RAG1: variants seen among roughly 807,000 people sequenced by gnomAD.
RAG1 encodes V(D)J recombination-activating protein 1.
RAG1 carries 35 observed loss-of-function variants against 62.7 expected under a neutral mutation model. That is an observed-to-expected ratio of 0.56 (90% CI 0.43 to 0.74). The LOEUF is 0.74. RAG1 is among the 30% of genes least tolerant of loss of function. The probability of loss-of-function intolerance (pLI) is 0.00; values close to 1 mark genes in which losing one functional copy is unlikely to be tolerated. For synonymous variants in RAG1, 461 were observed against 470.3 expected, an observed-to-expected ratio of 0.98 and a Z score of 0.26; for missense variants, 1,169 against 1,278.6, an observed-to-expected ratio of 0.91 and a Z score of 1.31.
chr11:36,539,621 A>G (rs1409332801), downstream of RAG1, among the ~76,000 whole-genome samples: 4 of 152,240 alleles, frequency 2.6e-5, no homozygotes, highest in South Asian at 8.3e-4. Flanking sequence ...AGTGGCTGGG[A>G]CTACAGGTAC....
In RAG1 at chr11:36,574,774, T is replaced by C. The variant is rs1430907893; in HGVS notation, c.1470T>C (p.Thr490=). 1.1e-5 allele frequency: 17 copies of C among 1,614,102 alleles called. No homozygotes were observed. The highest frequency in any genetic ancestry group is 1.4e-5 in the Non-Finnish European group (17 of 1,180,044). ...SCSQYHKMYR[T]VKAITGRQIF... is the part of the protein sequence containing the mutation. The stretch of plus-strand genomic sequence containing the variant: ...GTCAGTACCACAAGATGTACAGGAC[T>C]GTGAAAGCCATCACAGGGAGACAGA... Residue 490 remains threonine (T), a synonymous_variant, in exon 2 of 2, where the codon ACT becomes ACC. Transcript: ENST00000299440.
intron 3 of RAG1, among the ~76,000 whole-genome samples, chr11:36,547,662 C>T (rs553594938): frequency 6.6e-6 from 1 of 152,228 alleles, no homozygotes; most frequent in South Asian, 2.1e-4. Context: ...AAGTCCAGGA[C>T]CAGATGGATT....
intron 1 of RAG1, among the ~76,000 whole-genome samples, chr11:36,518,651 G>C (rs1033188370): frequency 4.6e-5 from 7 of 152,184 alleles, no homozygotes; most frequent in Admixed American, 1.3e-4. Flanking sequence ...TTTGAGAACT[G>C]TCTGTTCATA....
At chr11:36,514,394 A>G (rs1000060552) in intron 1 of RAG1, among the ~76,000 whole-genome samples, 6 of 152,222 alleles carry the variant, frequency 3.9e-5, no homozygotes, top group Non-Finnish European at 8.8e-5. Flanking sequence ...AGCAGTCCCC[A>G]AACATTTTGG....
chr11:36,573,407 G>A lies in RAG1; in HGVS notation c.103G>A (p.Val35Met), dbSNP rs1164702188. Reference protein sequence around the residue: ...FSEWKFKLFRVRSFEKTPEEA... With the variant: ...FSEWKFKLFRMRSFEKTPEEA... ...AGAATGGAAATTTAAGCTGTTCCGG[G>A]TGAGATCCTTTGAAAAGACACCTGA... The change falls in exon 2 of 2, where the codon GTG becomes ATG. Residue 35 changes from valine (V) to methionine (M), a missense_variant. Physicochemically the swap from Val to Met is conservative, Grantham distance 21 (BLOSUM62 1). This residue lies in a region of RAG1 where 369 missense variants were observed against 335.3 expected (regional missense o/e 1.10). Transcript: ENST00000299440. The A allele has an allele frequency of 1.2e-6, 2 of 1,613,978 alleles. No individual in the cohort carries two copies. Among genetic ancestry groups the A allele is most frequent in the African/African-American group, 1.3e-5 (1 of 74,874 alleles).
chr11:36,511,613 C>A (rs1012381471), intron 1 of RAG1, among the ~76,000 whole-genome samples: 19 of 152,158 alleles, frequency 1.2e-4, no homozygotes, highest in African/African-American at 4.6e-4. Flanking sequence ...GTTCTGTCAA[C>A]CCCCTTTTAA....
intron 3 of RAG1, among the ~76,000 whole-genome samples, chr11:36,544,170 G>C (rs60389997): frequency 7.3e-4 from 111 of 152,130 alleles, no homozygotes; most frequent in African/African-American, 2.7e-3. Context: ...ACCTATAAAC[G>C]TGGCAGAGAT....
At chr11:36,568,987 A>G (rs1252378449) in intron 1 of RAG1, among the ~76,000 whole-genome samples, 5 of 152,234 alleles carry the variant, frequency 3.3e-5, no homozygotes, top group Non-Finnish European at 7.3e-5. Flanking sequence ...AACAGGTGTG[A>G]TAATGAGAGG....
At position 36,574,526 on chromosome 11, in the gene RAG1, A is replaced by G; in HGVS notation, c.1222A>G (p.Lys408Glu). The G allele has an allele frequency of 1.2e-6, 2 of 1,614,248 alleles. No homozygotes were observed. The highest frequency in any genetic ancestry group is 1.7e-6 in the Non-Finnish European group (2 of 1,180,056). ...HLLSLTRRAQ[K>E]HRLRELKLQV... is the part of the protein sequence containing the mutation. ...TCTGTCGCTGACTCGGAGAGCTCAGAAGCACCGGCTGAGGGAGCTCAAGCT... is the reference window on the plus strand; with the variant it reads ...TCTGTCGCTGACTCGGAGAGCTCAGGAGCACCGGCTGAGGGAGCTCAAGCT... The change falls in exon 2 of 2, where the codon AAG (lysine) becomes GAG (glutamate). Residue 408 changes from lysine to glutamate, a missense_variant. Coordinates refer to ENST00000299440, the MANE Select transcript of RAG1 (RefSeq NM_000448.3).
upstream of RAG1, chr11:36,510,656 C>A (rs578259137): frequency 6.6e-6 from 1 of 152,458 alleles, no homozygotes; most frequent in East Asian, 1.9e-4. Flanking sequence ...AACCCCTCCC[C>A]AGCTCCACCC....
chr11:36,559,977 C>T (rs1850558076), intron 3 of RAG1, among the ~76,000 whole-genome samples: 1 of 152,150 alleles, frequency 6.6e-6, no homozygotes, highest in African/African-American at 2.4e-5. Flanking sequence ...TCTGCTGGAG[C>T]AGTTGCCTCT....
rs1850882309 is a variant in RAG1, at chr11:36,578,311, C to T, written c.*1875C>T. On this transcript the variant is annotated 3_prime_UTR_variant, in exon 2 of 2. Coordinates refer to ENST00000299440, the MANE Select transcript of RAG1 (RefSeq NM_000448.3). ...CTTTTTATATGCAGAATATCAAAGT[C>T]ATTTCTAATTTAGTTGTCAAAAACA... 1 of 166,782 alleles carries T rather than the reference C, an allele frequency of 6.0e-6. No homozygotes were observed. Among genetic ancestry groups the T allele is most frequent in the Admixed American group, 6.5e-5 (1 of 15,286 alleles). 10.3% of individuals were successfully genotyped at this position (166,782 alleles called of 1,614,324 possible).
At chr11:36,528,092 C>CA (rs1860193709) in intron 2 of RAG1, among the ~76,000 whole-genome samples, 1 of 151,942 alleles carries the variant, frequency 6.6e-6, no homozygotes, top group Non-Finnish European at 1.5e-5. Flanking sequence ...ATCAATGAGA[C>CA]AAAAAATTAA....
intron 1 of RAG1, among the ~76,000 whole-genome samples, chr11:36,570,000 T>C (rs1762358903): frequency 6.6e-6 from 1 of 152,218 alleles, no homozygotes; most frequent in Admixed American, 6.5e-5. Flanking sequence ...TTAAATTTTC[T>C]GCATGGTTTT....
chr11:36,528,147 T>C (rs1860194602), intron 2 of RAG1, among the ~76,000 whole-genome samples: 3 of 152,146 alleles, frequency 2.0e-5, no homozygotes, highest in African/African-American at 4.8e-5. Context: ...GTGGACCTCA[T>C]AGACATCTAC....
At chr11:36,544,641 A>C (rs1226771578) in intron 3 of RAG1, among the ~76,000 whole-genome samples, 1 of 152,138 alleles carries the variant, frequency 6.6e-6, no homozygotes, top group Non-Finnish European at 1.5e-5. Context: ...ACTCTTGAAG[A>C]CCGTTGCATT....
chr11:36,529,102 A>T (rs915753689), intron 2 of RAG1, among the ~76,000 whole-genome samples: 2 of 152,292 alleles, frequency 1.3e-5, no homozygotes, highest in East Asian at 3.9e-4. Context: ...AAACTATTCC[A>T]ATCAATAGAA....
At chr11:36,519,180 C>T (rs331456) in intron 1 of RAG1, among the ~76,000 whole-genome samples, 146,347 of 152,230 alleles carry the variant, frequency 0.96, 70,585 homozygotes, top group Non-Finnish European at 1. Flanking sequence ...GTTTTCTGCA[C>T]CAGTAAGGTA....
At chr11:36,545,081 A>G (rs1850373377) in intron 3 of RAG1, among the ~76,000 whole-genome samples, 1 of 152,084 alleles carries the variant, frequency 6.6e-6, no homozygotes, top group Non-Finnish European at 1.5e-5. Context: ...TTATTTATCC[A>G]GTGACAACTT....
Sources: allele counts gnomAD v4.1 joint callset (sites outside exome capture counted in the v4.1 genomes callset), GRCh38; gene constraint gnomAD v4.1.1; regional missense constraint gnomAD v4.1.1; transcripts MANE v1.5; gene names NCBI Gene and HGNC (gene_info 2026-07-23, HGNC 2026-07-21).